The following DNMT1 variants were observed in gnomAD, a reference collection of about 807,000 sequenced individuals.
The protein encoded by DNMT1 is DNA (cytosine-5)-methyltransferase 1.
In DNMT1, 24 loss-of-function variants were observed where a neutral mutation model predicts 205.3. The ratio of observed to expected loss-of-function variants is 0.12; its 90% CI spans 0.08 to 0.16. The LOEUF is 0.16. DNMT1 is among the 10% of genes least tolerant of loss of function. The probability of loss-of-function intolerance (pLI) is 1.00; values close to 1 mark genes in which losing one functional copy is unlikely to be tolerated. For synonymous variants in DNMT1, 817 were observed against 839.8 expected, an observed-to-expected ratio of 0.97 and a Z score of 0.47; for missense variants, 1,293 against 2,177.7, an observed-to-expected ratio of 0.59 and a Z score of 8.09.
At chr19:10,184,717 C>T (rs1376684109) in intron 1 of DNMT1, among the ~76,000 whole-genome samples, 3 of 152,178 alleles carry the variant, frequency 2.0e-5, no homozygotes, top group Non-Finnish European at 4.4e-5. Context: ...CTGTTGTTCC[C>T]AGCCTGGGTG....
At chr19:10,183,504 G>A (rs1485133274) in intron 1 of DNMT1, among the ~76,000 whole-genome samples, 1 of 152,148 alleles carries the variant, frequency 6.6e-6, no homozygotes, top group African/African-American at 2.4e-5. Context: ...CGGATCACTT[G>A]AGCCCAGGCG....
At chr19:10,172,999 T>TC in intron 9 of DNMT1, 91 bp downstream of exon 9, 1 of 1,465,032 alleles carries the variant, frequency 6.8e-7, no homozygotes, top group South Asian at 1.1e-5. Context: ...TCTTCCACGT[T>TC]CCCCACCCCC....
At chr19:10,164,350 T>A (rs1460648725) in intron 11 of DNMT1, among the ~76,000 whole-genome samples, 1 of 152,022 alleles carries the variant, frequency 6.6e-6, no homozygotes, top group Non-Finnish European at 1.5e-5. Context: ...ACCATGTTGG[T>A]CAGGCTGATT....
chr19:10,191,855 T>C (rs1309272881), intron 1 of DNMT1, among the ~76,000 whole-genome samples: 3 of 151,788 alleles, frequency 2.0e-5, no homozygotes, highest in Non-Finnish European at 4.4e-5. Flanking sequence ...TTTTTTTTTC[T>C]GAGACAGAGT....
intron 10 of DNMT1, among the ~76,000 whole-genome samples, chr19:10,167,984 A>G (rs980839944): frequency 6.6e-6 from 1 of 152,058 alleles, no homozygotes; most frequent in African/African-American, 2.4e-5. Flanking sequence ...TTAGTTGGGC[A>G]TGGTGGTACA....
chr19:10,140,800 C>T lies in DNMT1; in HGVS notation c.3504G>A (p.Ser1168=), dbSNP rs199739823. ...GCTCACCTGCTTGGTGGAATCCCTC[C>T]GACAACCCCCCGCAGCCAGAAAACA... ...LDVFSGCGGL[S]EGFHQAGISD... The change falls in exon 32 of 41, where the codon TCG becomes TCA. Residue 1168 remains serine (S), a synonymous_variant. Transcript: ENST00000359526. The surrounding 1 kb of genome is among the most constrained non-coding windows in gnomAD (Gnocchi z 8.4). The T allele has an allele frequency of 9.9e-6, 16 of 1,614,096 alleles. No individual in the cohort carries two copies. The highest frequency in any genetic ancestry group is 3.3e-5 in the South Asian group (3 of 91,084).
rs1211669144 is a variant in DNMT1, at chr19:10,138,425, CG to C, written c.4115+13del. Reference sequence around the variant, plus strand: ...TGCTCGGCAGTGTGTGGAGGAGCGACGGGGGCCACCTACCTGGTTATGTTGC... The same window carrying C: ...TGCTCGGCAGTGTGTGGAGGAGCGACGGGGCCACCTACCTGGTTATGTTGC... On this transcript the variant is annotated intron_variant, in intron 35 of 40. Transcript: ENST00000359526. This position sits in a 1 kb window ranked among gnomAD's most constrained non-coding sequence, Gnocchi z 4.1. 1 of 1,613,854 alleles carries C rather than the reference CG, an allele frequency of 6.2e-7. No individual in the cohort carries two copies. The highest frequency in any genetic ancestry group is 8.5e-7 in the Non-Finnish European group (1 of 1,180,032).
intron 1 of DNMT1, chr19:10,184,186 G>A (rs1421569607): frequency 6.6e-6 from 1 of 152,256 alleles, no homozygotes; most frequent in Non-Finnish European, 1.5e-5. Context: ...TATGGCCAGT[G>A]TCAGAATGAG....
In DNMT1 at chr19:10,156,145, T is replaced by C. The variant is rs935242772; in HGVS notation, c.1400-200A>G. ...AGGCAGCAGCAACTCCAGCTGACTA[T>C]TGCTTCATAAGTATGTTTTTTATTT... On this transcript the variant is annotated intron_variant, in intron 18 of 40. Transcript: ENST00000359526. This position sits in a 1 kb window ranked among gnomAD's most constrained non-coding sequence, Gnocchi z 4.2. Among the ~76,000 whole-genome samples the C allele has an allele frequency of 6.6e-6, 1 of 151,842 alleles. No individual in the cohort carries two copies. The highest frequency in any genetic ancestry group is 1.5e-5 in the Non-Finnish European group (1 of 67,988).
intron 1 of DNMT1, among the ~76,000 whole-genome samples, chr19:10,182,467 GTATATATATACATATATA>G (rs944170739): frequency 1.2e-4 from 14 of 121,212 alleles, no homozygotes; most frequent in African/African-American, 2.8e-4. Context: ...ATATATGTGT[GTATATATATACATATATA>G]TGTGTATATA....
At chr19:10,150,588 C>A (rs1455430712) in intron 24 of DNMT1, among the ~76,000 whole-genome samples, 1 of 152,224 alleles carries the variant, frequency 6.6e-6, no homozygotes, top group African/African-American at 2.4e-5. Context: ...CAGCAGGTGG[C>A]AAGCCTCATA....
At position 10,138,077 on chromosome 19, in the gene DNMT1, C is replaced by T. The variant is rs1228122576; in HGVS notation, c.4116-68G>A. On this transcript the variant is annotated intron_variant, in intron 35 of 40. Coordinates refer to ENST00000359526, the MANE Select transcript of DNMT1 (RefSeq NM_001130823.3). This position sits in a 1 kb window ranked among gnomAD's most constrained non-coding sequence, Gnocchi z 4.1. ...GCAGCTGTCCCCTCATCACAGGTGC[C>T]ACCCCCTGCCTGCTCAGATGGCCTT... The T allele has an allele frequency of 3.9e-6, 6 of 1,527,994 alleles. No individual in the cohort carries two copies. The African/African-American group carries it at 6.8e-5, about 17-fold the overall frequency. 94.7% of individuals were successfully genotyped at this position (1,527,994 alleles called of 1,614,324 possible).
In DNMT1 at chr19:10,154,067, G is replaced by A. The variant is rs1393737986; in HGVS notation, c.2019+226C>T. Reference sequence around the variant, plus strand: ...AAGCCAGGCTCTTCAATTAAGGACAGTGGCATTATCAGCAAAGCACCCAAG... The same window carrying A: ...AAGCCAGGCTCTTCAATTAAGGACAATGGCATTATCAGCAAAGCACCCAAG... On this transcript the variant is annotated intron_variant, in intron 22 of 40. Transcript: ENST00000359526. This position sits in a 1 kb window ranked among gnomAD's most constrained non-coding sequence, Gnocchi z 6.3. Among the ~76,000 whole-genome samples the A allele has an allele frequency of 1.3e-5, 2 of 152,168 alleles. No individual in the cohort carries two copies. Among genetic ancestry groups the A allele is most frequent in the African/African-American group, 4.8e-5 (2 of 41,436 alleles).
intron 12 of DNMT1, chr19:10,163,004 G>A (rs2038610003): frequency 2.1e-6 from 1 of 478,482 alleles, no homozygotes; most frequent in African/African-American, 2.5e-5. Context: ...TTTCACTCTT[G>A]TCCAGGCTGG....
chr19:10,159,713 CGTT>C lies in DNMT1; in HGVS notation c.1222_1224del (p.Asn408del). On this transcript the variant is annotated inframe_deletion, in exon 17 of 41. Transcript: ENST00000359526. This position sits in a 1 kb window ranked among gnomAD's most constrained non-coding sequence, Gnocchi z 5.0. ...GCCTCATAACTCTCAAAGCCAGACT[CGTT>C]GGCATCAAAGATGGACAGCTTCTCA... 2 of 1,614,192 alleles carry C rather than the reference CGTT, an allele frequency of 1.2e-6. No individual in the cohort carries two copies. The highest frequency in any genetic ancestry group is 1.7e-6 in the Non-Finnish European group (2 of 1,180,036).
rs59599980 is a variant in DNMT1, at chr19:10,160,070, GAA to G, written c.1044-9_1044-8del. 149,728 of 1,570,026 alleles carry G rather than the reference GAA, an allele frequency of 0.095. 10,958 individuals are homozygous for G. The highest frequency in any genetic ancestry group is 0.38 in the East Asian group (16,730 of 44,426). On this transcript the variant is annotated splice_region_variant and splice_polypyrimidine_tract_variant and intron_variant, in intron 14 of 40. Transcript: ENST00000359526. ...AGCCATTTTTTTCTCCGTTCTGGGG[GAA>G]AAAAAAAAATCACAAGATCGTTTGT...
At position 10,164,616 on chromosome 19, in the gene DNMT1, A is replaced by AAAAC. The variant is rs373485784; in HGVS notation, c.892-1260_892-1257dup. Reference sequence around the variant, plus strand: ...GGAAACAGAGCAAGATCCTGTCTCAAAAACAAACAAACAAACAAACAAACA... The same window carrying AAAAC: ...GGAAACAGAGCAAGATCCTGTCTCAAAAACAAACAAACAAACAAACAAACAAACA... On this transcript the variant is annotated intron_variant, in intron 11 of 40. Coordinates refer to ENST00000359526, the MANE Select transcript of DNMT1 (RefSeq NM_001130823.3). Among the ~76,000 whole-genome samples, 525 of 151,810 alleles carry AAAAC rather than the reference A, an allele frequency of 3.5e-3. 2 individuals are homozygous for AAAAC. Among genetic ancestry groups the AAAAC allele is most frequent in the African/African-American group, 7.1e-3 (296 of 41,402 alleles).
In DNMT1 at chr19:10,162,836, T is replaced by A; in HGVS notation, c.927-88A>T. On this transcript the variant is annotated intron_variant, in intron 12 of 40. Coordinates refer to ENST00000359526, the MANE Select transcript of DNMT1 (RefSeq NM_001130823.3). Reference sequence around the variant, plus strand: ...GCACGGAAAGTGACAAACTAATGCCTCCCCATGGGAAAGCAAGATACCCAT... The same window carrying A: ...GCACGGAAAGTGACAAACTAATGCCACCCCATGGGAAAGCAAGATACCCAT... 7.1e-6 allele frequency: 10 copies of A among 1,418,386 alleles called. 1 individual carries two copies. The South Asian group carries it at 1.2e-4, about 16-fold the overall frequency. 87.9% of individuals were successfully genotyped at this position (1,418,386 alleles called of 1,614,324 possible). A position where few individuals can be genotyped will look rare whatever the true frequency, so the allele number is the denominator to read the frequency against.
At chr19:10,155,674 C>T (rs772822615) in intron 19 of DNMT1, among the ~76,000 whole-genome samples, 179 bp downstream of exon 19, 1 of 151,928 alleles carries the variant, frequency 6.6e-6, no homozygotes, top group Admixed American at 6.6e-5. Context: ...AGAGTCAGTT[C>T]CAGAGCCAGT....
Sources: allele counts gnomAD v4.1 joint callset (sites outside exome capture counted in the v4.1 genomes callset), GRCh38; gene constraint gnomAD v4.1.1; non-coding constraint Gnocchi (gnomAD v3.1); transcripts MANE v1.5; gene names NCBI Gene and HGNC (gene_info 2026-07-23, HGNC 2026-07-21).